The following OSBPL9 variants were observed in gnomAD, a reference collection of about 807,000 sequenced individuals.
The protein encoded by OSBPL9 is oxysterol binding protein like 9, also known as oxysterol-binding protein-related protein 9.
A neutral mutation model predicts 106.6 loss-of-function variants in OSBPL9; 40 were observed. The observed-to-expected ratio is 0.38, with a 90% CI of 0.29 to 0.49. The LOEUF is 0.49. Among genes scored for constraint, OSBPL9 ranks in the 20% least tolerant of loss-of-function variants. OSBPL9 has a pLI of 0.97. For synonymous variants in OSBPL9, 269 were observed against 295.4 expected (o/e 0.91, Z 0.92); for missense variants, 609 against 887.2 (o/e 0.69, Z 3.98).
At chr1:51,596,961 G>C (rs1645303129) in intron 1 of OSBPL9, among the ~76,000 whole-genome samples, 1 of 152,164 alleles carries the variant, frequency 6.6e-6, no homozygotes, top group South Asian at 2.1e-4. Context: ...CAATGACTTA[G>C]AGAGAGATGG....
chr1:51,668,189 G>T (rs1648968843), intron 2 of OSBPL9, among the ~76,000 whole-genome samples: 1 of 152,152 alleles, frequency 6.6e-6, no homozygotes, highest in Admixed American at 6.5e-5. Flanking sequence ...GACCTATTCT[G>T]TGTTCTGTAG....
At chr1:51,555,350 C>T in the OSBPL9 span, among the ~76,000 whole-genome samples, 1 of 151,598 alleles carries the variant, frequency 6.6e-6, no homozygotes, top group African/African-American at 2.4e-5. Context: ...ATTAGCTGGG[C>T]ATGGTGGCAC....
the OSBPL9 span, among the ~76,000 whole-genome samples, chr1:51,546,354 A>G: frequency 1.3e-5 from 2 of 152,144 alleles, no homozygotes; most frequent in Non-Finnish European, 2.9e-5. Context: ...TGACATTAAA[A>G]TTAAGAATTT....
intron 2 of OSBPL9, among the ~76,000 whole-genome samples, chr1:51,608,937 C>T (rs1009695944): frequency 2.6e-5 from 4 of 152,146 alleles, no homozygotes; most frequent in African/African-American, 9.7e-5. Flanking sequence ...CTCAGAGGGA[C>T]CCTTATTGCT....
At chr1:51,660,101 A>G (rs181228155) in intron 2 of OSBPL9, among the ~76,000 whole-genome samples, 2 of 152,184 alleles carry the variant, frequency 1.3e-5, no homozygotes, top group Admixed American at 1.3e-4. Context: ...ATCACTTAGT[A>G]AATGAAACTG....
chr1:51,663,097 T>G (rs1015368519), intron 2 of OSBPL9, among the ~76,000 whole-genome samples: 1 of 152,192 alleles, frequency 6.6e-6, no homozygotes, highest in Non-Finnish European at 1.5e-5. Flanking sequence ...TGAATTTTTT[T>G]AAATGGAGAA....
At chr1:51,520,859 A>G in the OSBPL9 span, among the ~76,000 whole-genome samples, 2 of 152,370 alleles carry the variant, frequency 1.3e-5, no homozygotes, top group East Asian at 3.9e-4. Flanking sequence ...GTGAGTAACC[A>G]CTTATTCAAG....
intron 2 of OSBPL9, among the ~76,000 whole-genome samples, chr1:51,665,336 G>T (rs888507936): frequency 6.6e-6 from 1 of 152,136 alleles, no homozygotes; most frequent in Non-Finnish European, 1.5e-5. Flanking sequence ...TAGAGACGGG[G>T]TTTCTCCATG....
the OSBPL9 span, chr1:51,560,787 T>A: frequency 2.6e-5 from 4 of 152,386 alleles, no homozygotes; most frequent in African/African-American, 9.6e-5. Context: ...GGGTCAGGAC[T>A]TATCATCATG....
At chr1:51,784,192 C>A in intron 18 of OSBPL9, 72 bp from the exon 19 acceptor site, 1 of 1,509,426 alleles carries the variant, frequency 6.6e-7, no homozygotes, top group South Asian at 1.1e-5. Context: ...CTGGAGTAAC[C>A]ATCAGCTCGA....
At chr1:51,568,436 G>T in the OSBPL9 span, among the ~76,000 whole-genome samples, 1 of 152,130 alleles carries the variant, frequency 6.6e-6, no homozygotes, top group Non-Finnish European at 1.5e-5. Flanking sequence ...CAGAGCCTGG[G>T]GCCCTTTATG....
At chr1:51,760,665 G>A in intron 9 of OSBPL9, 25 bp from the exon 10 acceptor site, 5 of 1,612,986 alleles carry the variant, frequency 3.1e-6, no homozygotes, top group East Asian at 2.2e-5. Context: ...ATTAAAAATA[G>A]CTATATTGTG....
chr1:51,781,453 G>A (rs1676366387), intron 16 of OSBPL9, 118 bp downstream of exon 16: 1 of 1,044,232 alleles, frequency 9.6e-7, no homozygotes, highest in Admixed American at 2.3e-5. Flanking sequence ...ACCCATAGAA[G>A]AAATTGTTGT....
At position 51,788,266 on chromosome 1, in the gene OSBPL9, T is replaced by C. The variant is rs1323960254; in HGVS notation, c.*477T>C. The C allele has an allele frequency of 6.5e-6, 1 of 153,258 alleles. No homozygotes were observed. Among genetic ancestry groups the C allele is most frequent in the Non-Finnish European group, 1.5e-5 (1 of 68,546 alleles). 9.5% of individuals were successfully genotyped at this position (153,258 alleles called of 1,614,324 possible). On this transcript the variant is annotated 3_prime_UTR_variant, in exon 24 of 24. Transcript: ENST00000428468. Reference sequence around the variant, plus strand: ...TCATAAATATTCTGCCTACTGTAAATATGGGTTCCTCTGAGTTGTTTTAGA... The same window carrying C: ...TCATAAATATTCTGCCTACTGTAAACATGGGTTCCTCTGAGTTGTTTTAGA...
At chr1:51,668,814 A>G (rs986293287) in intron 2 of OSBPL9, among the ~76,000 whole-genome samples, 1 of 152,158 alleles carries the variant, frequency 6.6e-6, no homozygotes, top group African/African-American at 2.4e-5. Context: ...CCATGTATCA[A>G]ATAAAATAGT....
chr1:51,680,947 A>G (rs1652413702), intron 3 of OSBPL9, among the ~76,000 whole-genome samples: 1 of 152,156 alleles, frequency 6.6e-6, no homozygotes, highest in African/African-American at 2.4e-5. Flanking sequence ...ATAATTTTAA[A>G]GGCATGCCAA....
chr1:51,752,963 G>T (rs1364869117), intron 8 of OSBPL9, among the ~76,000 whole-genome samples: 1 of 152,122 alleles, frequency 6.6e-6, no homozygotes, highest in Non-Finnish European at 1.5e-5. Context: ...TGTATCCTCA[G>T]TGCCTACAGT....
the OSBPL9 span, among the ~76,000 whole-genome samples, chr1:51,550,001 T>C: frequency 6.6e-6 from 1 of 152,224 alleles, no homozygotes; most frequent in Admixed American, 6.5e-5. Flanking sequence ...TAGAGTTATT[T>C]ATAGGGTTAT....
At chr1:51,780,844 T>C (rs898944022) in intron 15 of OSBPL9, among the ~76,000 whole-genome samples, 4 of 152,158 alleles carry the variant, frequency 2.6e-5, no homozygotes, top group African/African-American at 7.2e-5. Context: ...AGACTACACA[T>C]TGGATATAGT....
Sources: allele counts gnomAD v4.1 joint callset (sites outside exome capture counted in the v4.1 genomes callset), GRCh38; gene constraint gnomAD v4.1.1; transcripts MANE v1.5; gene names NCBI Gene and HGNC (gene_info 2026-07-23, HGNC 2026-07-21).